Variants in PDE1C observed in about 807,000 individuals in gnomAD.
PDE1C encodes the protein phosphodiesterase 1C, also known as dual specificity calcium/calmodulin-dependent 3',5'-cyclic nucleotide phosphodiesterase 1C.
PDE1C carries 62 observed loss-of-function variants against 93.1 expected under a neutral mutation model. The observed-to-expected ratio is 0.67, with a 90% CI of 0.54 to 0.82. The LOEUF is 0.82. Ranked by LOEUF, PDE1C falls within the 40% of genes least tolerant of loss-of-function variation. The pLI is 0.00. For synonymous variants in PDE1C, 325 were observed against 310.1 expected (o/e 1.05, Z -0.50); for missense variants, 742 against 884.6 (o/e 0.84, Z 2.04).
At chr7:31,781,910 G>A (rs901668160) in intron 16 of PDE1C, among the ~76,000 whole-genome samples, 1 of 151,944 alleles carries the variant, frequency 6.6e-6, no homozygotes, top group African/African-American at 2.4e-5. Flanking sequence ...ATTTAAATGT[G>A]GCTTTCAAAA....
chr7:32,067,956 G>A (rs1795595020), intron 1 of PDE1C, among the ~76,000 whole-genome samples: 1 of 152,152 alleles, frequency 6.6e-6, no homozygotes, highest in South Asian at 2.1e-4. Flanking sequence ...TGGAGGAGAT[G>A]AAAAATTCAA....
At chr7:32,204,549 T>C (rs1020147801) in intron 2 of PDE1C, among the ~76,000 whole-genome samples, 1 of 152,194 alleles carries the variant, frequency 6.6e-6, no homozygotes, top group Non-Finnish European at 1.5e-5. Flanking sequence ...GTCTTTTACG[T>C]CCTCTAGAGG....
At chr7:31,759,878 T>C (rs758940) in intron 17 of PDE1C, among the ~76,000 whole-genome samples, 23,335 of 151,900 alleles carry the variant, frequency 0.15, 1,979 homozygotes, top group Non-Finnish European at 0.18. Flanking sequence ...TCTCTCTCTG[T>C]CTCTCTCTCT....
chr7:31,898,196 A>G (rs1799552044), intron 2 of PDE1C, among the ~76,000 whole-genome samples: 1 of 152,160 alleles, frequency 6.6e-6, no homozygotes, highest in South Asian at 2.1e-4. Context: ...ATTTTCTTAA[A>G]TTTTAAAAAC....
At chr7:31,639,232 T>C in the PDE1C span, among the ~76,000 whole-genome samples, 3 of 152,350 alleles carry the variant, frequency 2.0e-5, no homozygotes, top group South Asian at 2.1e-4. Context: ...CTGAGGCTAC[T>C]TGGACTTGTC....
At chr7:31,675,987 G>T in the PDE1C span, among the ~76,000 whole-genome samples, 1 of 152,052 alleles carries the variant, frequency 6.6e-6, no homozygotes, top group Non-Finnish European at 1.5e-5. Flanking sequence ...CTAACCATTG[G>T]CTCCCATCTC....
intron 3 of PDE1C, among the ~76,000 whole-genome samples, chr7:32,129,255 C>T (rs1157453865): frequency 2.0e-5 from 3 of 151,518 alleles, no homozygotes; most frequent in African/African-American, 7.3e-5. Context: ...CATTTACTGA[C>T]AGAGGAAAAC....
upstream of PDE1C, among the ~76,000 whole-genome samples, chr7:32,073,273 A>G (rs1411529624): frequency 6.6e-6 from 1 of 152,188 alleles, no homozygotes; most frequent in African/African-American, 2.4e-5. Context: ...ATTTGAGAAA[A>G]TTTCTTACAA....
intron 2 of PDE1C, among the ~76,000 whole-genome samples, chr7:31,901,257 T>G (rs1035396609): frequency 6.6e-6 from 1 of 151,716 alleles, no homozygotes; most frequent in Non-Finnish European, 1.5e-5. Flanking sequence ...TTCAATAAAT[T>G]TTAAAGCCAT....
intron 16 of PDE1C, among the ~76,000 whole-genome samples, chr7:31,804,376 C>T (rs1203964606): frequency 2.6e-5 from 4 of 151,810 alleles, no homozygotes; most frequent in Admixed American, 6.6e-5. Flanking sequence ...AGCATCAGGA[C>T]TGTTCCCTCT....
intron 3 of PDE1C, among the ~76,000 whole-genome samples, chr7:32,131,730 A>G (rs1799929312): frequency 6.6e-6 from 1 of 152,130 alleles, no homozygotes; most frequent in East Asian, 1.9e-4. Context: ...CCTCTAGACT[A>G]GAGACATTGC....
At chr7:31,987,390 C>T (rs944470794) in intron 2 of PDE1C, among the ~76,000 whole-genome samples, 4 of 152,190 alleles carry the variant, frequency 2.6e-5, no homozygotes, top group African/African-American at 9.7e-5. Context: ...AGCTCATCAT[C>T]CTGCCTCAGC....
At chr7:32,313,312 T>C (rs1393829146) in intron 1 of PDE1C, among the ~76,000 whole-genome samples, 3 of 149,390 alleles carry the variant, frequency 2.0e-5, no homozygotes, top group African/African-American at 4.9e-5. Context: ...GGTGGGACTG[T>C]AAACTAGTTC....
At chr7:31,755,034 C>T (rs1794366691) in intron 17 of PDE1C, among the ~76,000 whole-genome samples, 1 of 152,200 alleles carries the variant, frequency 6.6e-6, no homozygotes. Context: ...TGTATATGAA[C>T]AGAATCTGCA....
intron 1 of PDE1C, among the ~76,000 whole-genome samples, chr7:32,409,915 A>T (rs186417752): frequency 2.6e-5 from 4 of 152,160 alleles, no homozygotes; most frequent in African/African-American, 9.6e-5. Flanking sequence ...ATGTATACAG[A>T]TTCTAATAAA....
chr7:32,398,331 G>A (rs1440896765), intron 1 of PDE1C, among the ~76,000 whole-genome samples: 1 of 151,432 alleles, frequency 6.6e-6, no homozygotes, highest in African/African-American at 2.4e-5. Context: ...AAGAAAAAGT[G>A]AGGAAGATCT....
the PDE1C span, among the ~76,000 whole-genome samples, chr7:31,729,854 C>A: frequency 3.3e-5 from 5 of 152,126 alleles, no homozygotes; most frequent in African/African-American, 1.2e-4. Flanking sequence ...TTCTCAGGAG[C>A]CTTCTGTAGA....
intron 11 of PDE1C, among the ~76,000 whole-genome samples, chr7:31,833,161 T>A (rs1395731913): frequency 6.6e-6 from 1 of 152,208 alleles, no homozygotes; most frequent in Non-Finnish European, 1.5e-5. Context: ...TTTCACTTGG[T>A]TCTCATGCTG....
chr7:32,081,216 T>C (rs549660801), intron 3 of PDE1C, among the ~76,000 whole-genome samples: 1 of 152,222 alleles, frequency 6.6e-6, no homozygotes, highest in Non-Finnish European at 1.5e-5. Flanking sequence ...CTTGGGAATT[T>C]TAATGAAAGC....
Sources: gnomAD v4.1 joint callset for allele counts (sites outside exome capture counted in the v4.1 genomes callset) on GRCh38, gnomAD v4.1.1 for gene constraint, MANE v1.5 for transcripts, NCBI Gene and HGNC (gene_info 2026-07-23, HGNC 2026-07-21) for gene names.